Variants in PAPPA2 observed in about 807,000 individuals in gnomAD.
The protein encoded by PAPPA2 is pappalysin-2.
Under a neutral mutation model 176.4 loss-of-function variants are expected in PAPPA2, and 86 were observed. The ratio of observed to expected loss-of-function variants is 0.49; its 90% CI spans 0.41 to 0.58. The LOEUF (loss-of-function observed/expected upper bound fraction) is 0.58, where lower values mean the gene tolerates loss of function less well. Among genes scored for constraint, PAPPA2 ranks in the 20% least tolerant of loss-of-function variants. The pLI, the probability that PAPPA2 is intolerant of heterozygous loss-of-function variation, is 0.00. For synonymous variants in PAPPA2, 809 were observed against 852.2 expected (o/e 0.95, Z 0.88); for missense variants, 2,073 against 2,256.9 (o/e 0.92, Z 1.65).
chr1:176,543,148 G>A lies in PAPPA2; in HGVS notation c.-916-12259G>A, dbSNP rs573764077. ...TAAACATCAGTGTTGGCTTCTTCAC[G>A]TTCCCCGTCGTCTTGGGGGTGGCAC... is the stretch of plus-strand genomic sequence containing the variant. On this transcript the variant is annotated intron_variant, in intron 1 of 22. Transcript: ENST00000367662. 3.3e-5 allele frequency among the ~76,000 whole-genome samples: 5 copies of A among 152,190 alleles called. No individual in the cohort carries two copies. In the South Asian group the frequency reaches 6.2e-4, roughly 19 times the overall value.
At chr1:176,510,061 A>T (rs1648498430) in intron 1 of PAPPA2, among the ~76,000 whole-genome samples, 1 of 152,166 alleles carries the variant, frequency 6.6e-6, no homozygotes, top group South Asian at 2.1e-4. Flanking sequence ...AACCCCAAAA[A>T]CAAAAAATAA....
intron 3 of PAPPA2, among the ~76,000 whole-genome samples, chr1:176,662,848 G>C (rs1658432204): frequency 1.3e-5 from 2 of 152,092 alleles, no homozygotes; most frequent in African/African-American, 4.8e-5. Context: ...TGAAATTTTA[G>C]TGTTATCAGC....
intron 1 of PAPPA2, among the ~76,000 whole-genome samples, chr1:176,525,055 T>G (rs973145981): frequency 6.6e-6 from 1 of 151,888 alleles, no homozygotes; most frequent in African/African-American, 2.4e-5. Flanking sequence ...AAAAAAAAGT[T>G]ACAGCCTTAA....
intron 3 of PAPPA2, among the ~76,000 whole-genome samples, chr1:176,613,302 A>G (rs1255885677): frequency 6.6e-6 from 1 of 152,274 alleles, no homozygotes; most frequent in East Asian, 1.9e-4. Context: ...AGACATAATT[A>G]GCCCACTCAG....
At chr1:176,779,507 CACACACACACACAGAG>C (rs1196643777) in intron 17 of PAPPA2, among the ~76,000 whole-genome samples, 6 of 149,334 alleles carry the variant, frequency 4.0e-5, no homozygotes, top group African/African-American at 1.2e-4. Context: ...CACACACACA[CACACACACACACAGAG>C]AGAGAGAGAG....
chr1:176,806,362 T>C (rs1665909192), intron 21 of PAPPA2, among the ~76,000 whole-genome samples: 2 of 152,240 alleles, frequency 1.3e-5, no homozygotes, highest in Admixed American at 1.3e-4. Flanking sequence ...CACCTGCTTC[T>C]ATTCCCCTAA....
intron 12 of PAPPA2, among the ~76,000 whole-genome samples, chr1:176,715,422 C>T (rs1661325640): frequency 6.6e-6 from 1 of 152,176 alleles, no homozygotes; most frequent in African/African-American, 2.4e-5. Flanking sequence ...CCCACTGGAG[C>T]AGGGGAGAAA....
At chr1:176,770,059 G>A (rs996802340) in intron 16 of PAPPA2, among the ~76,000 whole-genome samples, 2 of 152,166 alleles carry the variant, frequency 1.3e-5, no homozygotes, top group Non-Finnish European at 2.9e-5. Flanking sequence ...CAAGCCTACT[G>A]GAATGGTTGT....
chr1:176,790,416 C>T (rs1665122952), intron 18 of PAPPA2, among the ~76,000 whole-genome samples: 1 of 152,146 alleles, frequency 6.6e-6, no homozygotes, highest in Non-Finnish European at 1.5e-5. Context: ...CAAAAGGTCT[C>T]AAATGAAAAA....
intron 1 of PAPPA2, among the ~76,000 whole-genome samples, chr1:176,525,842 T>G (rs1159823708): frequency 6.6e-6 from 1 of 152,206 alleles, no homozygotes; most frequent in Non-Finnish European, 1.5e-5. Context: ...GTGTATTTCT[T>G]GCGTGTTCAA....
intron 1 of PAPPA2, among the ~76,000 whole-genome samples, chr1:176,485,274 A>G (rs1405410020): frequency 6.6e-6 from 1 of 152,126 alleles, no homozygotes; most frequent in Non-Finnish European, 1.5e-5. Flanking sequence ...CTTATTAATA[A>G]TGGCTTTCAA....
At chr1:176,672,067 TA>T (rs1484779333) in intron 4 of PAPPA2, among the ~76,000 whole-genome samples, 2 of 149,744 alleles carry the variant, frequency 1.3e-5, no homozygotes, top group African/African-American at 4.9e-5. Context: ...ATAATAATAA[TA>T]AAATAAAAAA....
intron 1 of PAPPA2, among the ~76,000 whole-genome samples, chr1:176,464,704 G>C (rs1458877486): frequency 6.6e-6 from 1 of 152,160 alleles, no homozygotes; most frequent in Non-Finnish European, 1.5e-5. Flanking sequence ...ATAGTTATCT[G>C]CTAAACACTG....
At chr1:176,510,656 C>T (rs1022867144) in intron 1 of PAPPA2, among the ~76,000 whole-genome samples, 6 of 151,124 alleles carry the variant, frequency 4.0e-5, no homozygotes, top group East Asian at 1.9e-4. Flanking sequence ...AAACGGCAGT[C>T]GTTTTATAGT....
At chr1:176,585,568 G>A (rs569345616) in intron 2 of PAPPA2, among the ~76,000 whole-genome samples, 1 of 151,970 alleles carries the variant, frequency 6.6e-6, no homozygotes, top group African/African-American at 2.4e-5. Flanking sequence ...TCATTAAATA[G>A]GTTTCCTTCA....
At chr1:176,742,910 T>C (rs1662749932) in intron 14 of PAPPA2, among the ~76,000 whole-genome samples, 1 of 152,150 alleles carries the variant, frequency 6.6e-6, no homozygotes, top group South Asian at 2.1e-4. Flanking sequence ...CCATTTTGTA[T>C]TTAAACATTA....
At chr1:176,576,784 T>G (rs553006320) in intron 2 of PAPPA2, among the ~76,000 whole-genome samples, 1 of 152,334 alleles carries the variant, frequency 6.6e-6, no homozygotes, top group Non-Finnish European at 1.5e-5. Context: ...ATCCCTGGGT[T>G]GTTCATATCC....
chr1:176,581,844 GT>G (rs199793552), intron 2 of PAPPA2, among the ~76,000 whole-genome samples: 2 of 147,050 alleles, frequency 1.4e-5, no homozygotes, highest in African/African-American at 2.5e-5. Context: ...AGTTATAAGA[GT>G]TTTTTTTTAA....
intron 21 of PAPPA2, among the ~76,000 whole-genome samples, chr1:176,837,183 C>T (rs1667304459): frequency 6.6e-6 from 1 of 152,122 alleles, no homozygotes; most frequent in Non-Finnish European, 1.5e-5. Context: ...GCCTGGAACC[C>T]AGCTAGAAAA....
Sources: allele counts gnomAD v4.1 joint callset (sites outside exome capture counted in the v4.1 genomes callset), GRCh38; gene constraint gnomAD v4.1.1; transcripts MANE v1.5; gene names NCBI Gene and HGNC (gene_info 2026-07-23, HGNC 2026-07-21).